Variants in TRAP1 observed in about 807,000 individuals in gnomAD.
The protein encoded by TRAP1 is heat shock protein 75 kDa, mitochondrial.
Under a neutral mutation model 89.1 loss-of-function variants are expected in TRAP1, and 102 were observed. That is an observed-to-expected ratio of 1.15 (90% CI 0.98 to 1.35). The LOEUF is 1.35. Ranked by LOEUF, TRAP1 falls within the 40% of genes most tolerant of loss-of-function variation. The pLI is 0.00. For synonymous variants in TRAP1, 508 were observed against 388.0 expected (o/e 1.31, Z -3.64); for missense variants, 1,256 against 945.3 (o/e 1.33, Z -4.31).
At chr16:3,706,259 T>C (rs925438139) in intron 1 of TRAP1, among the ~76,000 whole-genome samples, 1 of 151,968 alleles carries the variant, frequency 6.6e-6, no homozygotes, top group African/African-American at 2.4e-5. Flanking sequence ...AGGCCCAGCT[T>C]CCAACTTTTT....
intron 9 of TRAP1, among the ~76,000 whole-genome samples, chr16:3,673,033 C>T (rs1317865117): frequency 6.6e-6 from 1 of 152,138 alleles, no homozygotes; most frequent in Non-Finnish European, 1.5e-5. Context: ...AGCTGCCGCC[C>T]TCCCCAGCCC....
rs566058670 is a variant in TRAP1 at position 3,669,426 on chromosome 16, G to T, written c.1235+2296C>A. On this transcript the variant is annotated intron_variant, in intron 11 of 17. Transcript: ENST00000246957. Reference sequence around the variant, plus strand: ...CAAGCACTGAGGCCCCCTTTTCATTGATTATATAACATCTCTTTAGTCAGC... The same window carrying T: ...CAAGCACTGAGGCCCCCTTTTCATTTATTATATAACATCTCTTTAGTCAGC... Among the ~76,000 whole-genome samples the T allele has an allele frequency of 2.5e-4, 38 of 152,258 alleles. 1 individual carries two copies. The highest frequency in any genetic ancestry group is 8.4e-4 in the African/African-American group (35 of 41,558).
intron 1 of TRAP1, among the ~76,000 whole-genome samples, chr16:3,693,910 T>G (rs928860068): frequency 1.3e-5 from 2 of 151,732 alleles, no homozygotes; most frequent in African/African-American, 4.8e-5. Context: ...GGAAGATCAC[T>G]TGAGCCCAGG....
chr16:3,692,316 A>C (rs1021064265), intron 1 of TRAP1, among the ~76,000 whole-genome samples: 5 of 152,126 alleles, frequency 3.3e-5, no homozygotes, highest in Non-Finnish European at 7.4e-5. Context: ...TAGGCGGATC[A>C]CATGAGGTCA....
chr16:3,700,231 G>C (rs1031132877), intron 1 of TRAP1, among the ~76,000 whole-genome samples: 1 of 144,006 alleles, frequency 6.9e-6, no homozygotes, highest in Non-Finnish European at 1.5e-5. Context: ...GCAATGGCGC[G>C]ATCTCAGCTC....
In TRAP1 at chr16:3,666,116, T is replaced by C. The variant is rs1272497424; in HGVS notation, c.1238A>G (p.Lys413Arg). The change falls in exon 12 of 18, where the codon AAA becomes AGA. Residue 413 changes from lysine to arginine, a missense_variant and splice_region_variant. Physicochemically the swap from Lys to Arg is conservative, Grantham distance 26. Transcript: ENST00000246957. ...ELLQESALIRKLRDVLQQRLI... is the reference protein window; with the variant it reads ...ELLQESALIRRLRDVLQQRLI... ...CCTCTGCTGTAAAACGTCCCGGAGTTTCCTACAGAAAAGAAATGCATTTAA... is the reference window on the plus strand; with the variant it reads ...CCTCTGCTGTAAAACGTCCCGGAGTCTCCTACAGAAAAGAAATGCATTTAA... 4.3e-6 allele frequency: 7 copies of C among 1,609,956 alleles called. No individual in the cohort carries two copies. The highest frequency in any genetic ancestry group is 5.9e-6 in the Non-Finnish European group (7 of 1,178,812).
intron 1 of TRAP1, among the ~76,000 whole-genome samples, chr16:3,714,407 TC>T (rs1368272532): frequency 1.3e-5 from 2 of 152,290 alleles, no homozygotes; most frequent in Non-Finnish European, 2.9e-5. Flanking sequence ...ACGCCTGTAA[TC>T]CCAGCATTTT....
chr16:3,674,038 CCT>C (rs1162127096), intron 9 of TRAP1, among the ~76,000 whole-genome samples: 4 of 152,218 alleles, frequency 2.6e-5, no homozygotes, highest in African/African-American at 4.8e-5. Context: ...ATGTGTGACC[CCT>C]GAGACAGAGG....
rs1265789549 is a variant in TRAP1, at chr16:3,662,063, G to A, written c.1864C>T (p.Leu622=). The change falls in exon 16 of 18, where the codon CTG becomes TTG. Residue 622 remains leucine (L), a synonymous_variant. Coordinates refer to ENST00000246957, the MANE Select transcript of TRAP1 (RefSeq NM_016292.3). Reference sequence around the variant, plus strand: ...GTCTTGGCCAGCTGCTGCATGCGCAGGAAGTGGCGGGCAGCCCCCATCTCC... The same window carrying A: ...GTCTTGGCCAGCTGCTGCATGCGCAAGAAGTGGCGGGCAGCCCCCATCTCC... ...VLEMGAARHF[L]RMQQLAKTQE... 4 of 1,613,350 alleles carry A rather than the reference G, an allele frequency of 2.5e-6. No homozygotes were observed. The East Asian group carries it at 8.9e-5, about 36-fold the overall frequency.
chr16:3,689,055 C>T lies in TRAP1; in HGVS notation c.330G>A (p.Glu110=), dbSNP rs778701624. 2 of 1,610,540 alleles carry T rather than the reference C, an allele frequency of 1.2e-6. No individual in the cohort carries two copies. Among genetic ancestry groups the T allele is most frequent in the African/African-American group, 2.7e-5 (2 of 74,796 alleles). Residue 110 remains glutamate (E), a splice_region_variant and synonymous_variant, in exon 3 of 18, where the codon GAG becomes GAA. Coordinates refer to ENST00000246957, the MANE Select transcript of TRAP1 (RefSeq NM_016292.3). ...CGGGCATGGTTAGCAGGGAACGCAC[C>T]TCTTTTTCTGAGTACAGGGACCGGG... ...IVARSLYSEK[E]VFIRELISNA...
At chr16:3,664,572 C>T in intron 12 of TRAP1, 113 bp from the exon 13 acceptor site, 1 of 1,212,294 alleles carries the variant, frequency 8.2e-7, no homozygotes, top group Non-Finnish European at 1.1e-6. Flanking sequence ...TCCAGGCTGG[C>T]CCTGACCCGA....
intron 1 of TRAP1, among the ~76,000 whole-genome samples, chr16:3,708,707 T>A (rs2151283715): frequency 6.6e-6 from 1 of 150,792 alleles, no homozygotes; most frequent in East Asian, 2.0e-4. Flanking sequence ...TCCCGGCTAC[T>A]TGTGAGGCTG....
chr16:3,681,380 A>AGGGAGACT (rs2051071447), intron 4 of TRAP1, among the ~76,000 whole-genome samples: 1 of 152,218 alleles, frequency 6.6e-6, no homozygotes, highest in South Asian at 2.1e-4. Flanking sequence ...GCAGCAGGCC[A>AGGGAGACT]GGGAGACTGG....
chr16:3,714,439 T>C (rs978188281), intron 1 of TRAP1, among the ~76,000 whole-genome samples: 1 of 152,102 alleles, frequency 6.6e-6, no homozygotes, highest in African/African-American at 2.4e-5. Context: ...GGCTAGTGGA[T>C]CATGAGGTCA....
At chr16:3,694,997 G>C (rs924430302) in intron 1 of TRAP1, among the ~76,000 whole-genome samples, 2 of 152,084 alleles carry the variant, frequency 1.3e-5, no homozygotes, top group African/African-American at 4.8e-5. Flanking sequence ...CTTGGCTTGT[G>C]GGTGGTCATC....
At chr16:3,685,632 C>T (rs1343855577) in intron 4 of TRAP1, among the ~76,000 whole-genome samples, 1 of 152,094 alleles carries the variant, frequency 6.6e-6, no homozygotes, top group Non-Finnish European at 1.5e-5. Context: ...CACAGCACTG[C>T]TTCGTCGGCA....
rs58782531 is a variant in TRAP1, at chr16:3,667,925, A to AT, written c.1236-1808dup. ...AGGCACCTGCCACCATACCCGGCTG[A>AT]TTTTTTTTTTTTTTTTTTTTTTGAG... On this transcript the variant is annotated intron_variant, in intron 11 of 17. Coordinates refer to ENST00000246957, the MANE Select transcript of TRAP1 (RefSeq NM_016292.3). Among the ~76,000 whole-genome samples, 417 of 65,534 alleles carry AT rather than the reference A, an allele frequency of 6.4e-3. 5 individuals carry two copies. Among genetic ancestry groups the AT allele is most frequent in the African/African-American group, 8.7e-3 (124 of 14,296 alleles). 43.0% of individuals were successfully genotyped at this position (65,534 alleles called of 152,430 possible).
chr16:3,673,456 G>A (rs1017728318), intron 9 of TRAP1, among the ~76,000 whole-genome samples: 3 of 152,222 alleles, frequency 2.0e-5, no homozygotes, highest in Admixed American at 6.5e-5. Context: ...TTCCCGAACC[G>A]GGACCCACAC....
At position 3,717,505 on chromosome 16, in the gene TRAP1, C is replaced by A. The variant is rs748315970; in HGVS notation, c.4G>T (p.Ala2Ser). Residue 2 changes from alanine (A) to serine (S), a missense_variant, in exon 1 of 18, where the codon GCG (alanine) becomes TCG (serine). Physicochemically the swap from Ala to Ser is moderately conservative, Grantham distance 99. Transcript: ENST00000246957. Reference sequence around the variant, plus strand: ...AGCAGCAGCGCCCGCAGCTCGCGCGCCATGTCGTACTCCCAGAGCGCCGCG... The same window carrying A: ...AGCAGCAGCGCCCGCAGCTCGCGCGACATGTCGTACTCCCAGAGCGCCGCG... Reference protein sequence around the residue: MARELRALLLWG... With the variant: MSRELRALLLWG... 790 of 1,352,742 alleles carry A rather than the reference C, an allele frequency of 5.8e-4. No homozygotes were observed. The highest frequency in any genetic ancestry group is 8.3e-4 in the Middle Eastern group (3 of 3,606). 83.8% of individuals were successfully genotyped at this position (1,352,742 alleles called of 1,614,324 possible).
Sources: gnomAD v4.1 joint callset for allele counts (sites outside exome capture counted in the v4.1 genomes callset) on GRCh38, gnomAD v4.1.1 for gene constraint, MANE v1.5 for transcripts, NCBI Gene and HGNC (gene_info 2026-07-23, HGNC 2026-07-21) for gene names.